The following SRPK2 variants were observed in gnomAD, a reference collection of about 807,000 sequenced individuals.
SRPK2 encodes the protein SFRS protein kinase 2.
A neutral mutation model predicts 90.8 loss-of-function variants in SRPK2; 21 were observed. The ratio of observed to expected loss-of-function variants is 0.23; its 90% CI spans 0.16 to 0.33. The LOEUF (loss-of-function observed/expected upper bound fraction) is 0.33. Among genes scored for constraint, SRPK2 ranks in the 10% least tolerant of loss-of-function variants. SRPK2 has a pLI of 1.00. For missense variants in SRPK2, 620 were observed against 869.0 expected (o/e 0.71, Z 3.60); for synonymous variants, 288 against 311.1 (o/e 0.93, Z 0.78).
At chr7:105,388,978 G>GGCCCCGCCCCC (rs1045415176), upstream of SRPK2, 56 of 999,286 alleles carry the variant, frequency 5.6e-5, no homozygotes, top group South Asian at 2.1e-3. Context: ...GCCCCCGTCC[G>GGCCCCGCCCCC]GCCCCGCCCC....
intron 8 of SRPK2, among the ~76,000 whole-genome samples, chr7:105,145,890 T>TCA (rs1035941391): frequency 1.1e-4 from 17 of 152,104 alleles, no homozygotes; most frequent in Non-Finnish European, 2.2e-4. Flanking sequence ...CCCAGGAGCC[T>TCA]CAGCCCTTTA....
intron 2 of SRPK2, among the ~76,000 whole-genome samples, chr7:105,359,219 C>G (rs6466061): frequency 7.2e-6 from 1 of 139,186 alleles, no homozygotes; most frequent in Non-Finnish European, 1.5e-5. Flanking sequence ...AGTGCAATGG[C>G]GCGATCTTGG....
intron 2 of SRPK2, among the ~76,000 whole-genome samples, chr7:105,348,516 A>G (rs1023487902): frequency 1.4e-5 from 2 of 146,622 alleles, no homozygotes; most frequent in Admixed American, 1.4e-4. Flanking sequence ...CCTCCACCTC[A>G]TGGTTCAAGC....
At chr7:105,214,132 G>T (rs1054064321) in intron 2 of SRPK2, among the ~76,000 whole-genome samples, 7 of 152,186 alleles carry the variant, frequency 4.6e-5, no homozygotes, top group African/African-American at 1.7e-4. Flanking sequence ...GGCACAGTAT[G>T]GGCAGTGCAG....
intron 2 of SRPK2, among the ~76,000 whole-genome samples, chr7:105,378,641 T>G (rs1053944959): frequency 1.3e-5 from 2 of 151,890 alleles, no homozygotes; most frequent in Non-Finnish European, 2.9e-5. Flanking sequence ...CACACACCTG[T>G]AGTCCCAGCT....
intron 6 of SRPK2, among the ~76,000 whole-genome samples, chr7:105,162,900 T>C (rs1807896241): frequency 6.6e-6 from 1 of 152,226 alleles, no homozygotes; most frequent in South Asian, 2.1e-4. Context: ...TCCAAAGAAA[T>C]GTTCTATTAG....
intron 2 of SRPK2, among the ~76,000 whole-genome samples, chr7:105,331,148 T>G (rs1045216107): frequency 1.6e-4 from 25 of 151,566 alleles, no homozygotes; most frequent in African/African-American, 6.1e-4. Context: ...CCAAAAATAT[T>G]TTTTTAAAAG....
intron 2 of SRPK2, among the ~76,000 whole-genome samples, chr7:105,252,904 G>C (rs1802680731): frequency 6.6e-6 from 1 of 151,504 alleles, no homozygotes; most frequent in Admixed American, 6.6e-5. Context: ...CCCCACGTCT[G>C]GCTAATTCTT....
chr7:105,173,414 T>C (rs1462528946), intron 3 of SRPK2, among the ~76,000 whole-genome samples: 2 of 152,306 alleles, frequency 1.3e-5, no homozygotes, highest in East Asian at 1.9e-4. Flanking sequence ...CTTCTGACCA[T>C]TCATTTTTCA....
At chr7:105,383,818 C>CATA (rs1488050693) in intron 2 of SRPK2, among the ~76,000 whole-genome samples, 1 of 152,168 alleles carries the variant, frequency 6.6e-6, no homozygotes, top group African/African-American at 2.4e-5. Flanking sequence ...TAATACGTGC[C>CATA]ATAACATGGA....
intron 3 of SRPK2, among the ~76,000 whole-genome samples, chr7:105,188,343 G>C (rs1041424220): frequency 6.6e-6 from 1 of 151,204 alleles, no homozygotes; most frequent in Non-Finnish European, 1.5e-5. Flanking sequence ...GAGGAGAATA[G>C]GGACTGGCTG....
Position 105,135,012 on chromosome 7 carries a change from T to C in SRPK2, c.1544-1908A>G, listed in dbSNP as rs536235831. On this transcript the variant is annotated intron_variant, in intron 11 of 15. Coordinates refer to ENST00000393651, the MANE Select transcript of SRPK2 (RefSeq NM_182692.3). ...ACAAAGACCAAAAAAGAAGGCAAAA[T>C]GAATATACACTGATTCACCTGGGGC... Among the ~76,000 whole-genome samples, 4 of 151,960 alleles carry C rather than the reference T, an allele frequency of 2.6e-5. No homozygotes were observed. The South Asian group carries it at 6.2e-4, about 24-fold the overall frequency.
chr7:105,198,520 T>C (rs145403026), intron 3 of SRPK2, among the ~76,000 whole-genome samples: 3 of 152,166 alleles, frequency 2.0e-5, no homozygotes, highest in South Asian at 2.1e-4. Context: ...AGAGGTGATA[T>C]GTAAAAAAGA....
intron 2 of SRPK2, among the ~76,000 whole-genome samples, chr7:105,381,334 T>C (rs1288282335): frequency 6.6e-6 from 1 of 152,082 alleles, no homozygotes; most frequent in Non-Finnish European, 1.5e-5. Flanking sequence ...CCCAACGCTT[T>C]GTGAGGCCAA....
intron 2 of SRPK2, among the ~76,000 whole-genome samples, chr7:105,381,173 G>C (rs950679256): frequency 2.6e-5 from 4 of 152,014 alleles, no homozygotes; most frequent in Admixed American, 6.6e-5. Context: ...GAACCCAGGA[G>C]GCAGAGGTTA....
At chr7:105,382,483 C>T (rs1310770530) in intron 2 of SRPK2, among the ~76,000 whole-genome samples, 2 of 132,590 alleles carry the variant, frequency 1.5e-5, no homozygotes, top group African/African-American at 2.8e-5. Context: ...ACCCAGGAAG[C>T]GGAGGTTACG....
At chr7:105,382,139 G>T (rs1407229300) in intron 2 of SRPK2, among the ~76,000 whole-genome samples, 1 of 149,322 alleles carries the variant, frequency 6.7e-6, no homozygotes, top group Non-Finnish European at 1.5e-5. Flanking sequence ...GTGCACTCCA[G>T]CCTGGGCGAC....
chr7:105,376,861 T>TA (rs1820373496), intron 2 of SRPK2, among the ~76,000 whole-genome samples: 1 of 79,556 alleles, frequency 1.3e-5, no homozygotes, highest in Non-Finnish European at 2.5e-5. Flanking sequence ...TTTTTTTTAA[T>TA]AAAAAGCACC....
Position 105,277,052 on chromosome 7 carries a change from G to A in SRPK2, c.72-73267C>T, listed in dbSNP as rs1337187590. 2.6e-5 allele frequency among the ~76,000 whole-genome samples: 4 copies of A among 151,664 alleles called. No homozygotes were observed. The East Asian group carries it at 7.9e-4, about 30-fold the overall frequency. On this transcript the variant is annotated intron_variant, in intron 2 of 15. Transcript: ENST00000393651. Reference sequence around the variant, plus strand: ...CTGCCTCAGGATACACGCTTATGGAGCCCTTCTTGGTGTCTCCAACTTATT... The same window carrying A: ...CTGCCTCAGGATACACGCTTATGGAACCCTTCTTGGTGTCTCCAACTTATT...
Sources: allele counts gnomAD v4.1 joint callset (sites outside exome capture counted in the v4.1 genomes callset), GRCh38; gene constraint gnomAD v4.1.1; transcripts MANE v1.5; gene names NCBI Gene and HGNC (gene_info 2026-07-23, HGNC 2026-07-21).